Variants in TAFA1 observed in about 807,000 individuals in gnomAD.
The protein encoded by TAFA1 is chemokine-like protein TAFA-1.
Under a neutral mutation model 18.5 loss-of-function variants are expected in TAFA1, and 4 were observed. That is an observed-to-expected ratio of 0.22 (90% CI 0.11 to 0.49). The LOEUF is 0.49. Ranked by LOEUF, TAFA1 falls within the 20% of genes least tolerant of loss-of-function variation. TAFA1 has a pLI of 0.98. For missense variants in TAFA1, 147 were observed against 169.0 expected (o/e 0.87, Z 0.72); for synonymous variants, 56 against 55.2 (o/e 1.01, Z -0.06).
intron 2 of TAFA1, among the ~76,000 whole-genome samples, chr3:68,063,844 G>C (rs2064636860): frequency 6.6e-6 from 1 of 152,052 alleles, no homozygotes; most frequent in African/African-American, 2.4e-5. Context: ...ACCACTAAAG[G>C]AGTCCATGGC....
At chr3:68,318,275 A>T (rs13097366) in intron 2 of TAFA1, among the ~76,000 whole-genome samples, 62,890 of 152,008 alleles carry the variant, frequency 0.41, 15,096 homozygotes, top group Non-Finnish European at 0.54. Context: ...GATGCACCAT[A>T]TGCTTCTCCC....
upstream of TAFA1, among the ~76,000 whole-genome samples, chr3:68,003,324 G>C (rs980726171): frequency 2.0e-5 from 3 of 152,190 alleles, no homozygotes; most frequent in African/African-American, 7.2e-5. Context: ...AGGCAAGAGA[G>C]TATTCTGGGG....
At chr3:68,456,973 T>G (rs2106911313) in intron 3 of TAFA1, among the ~76,000 whole-genome samples, 1 of 152,262 alleles carries the variant, frequency 6.6e-6, no homozygotes, top group Non-Finnish European at 1.5e-5. Context: ...TTATCCAAGG[T>G]TTATGATACT....
intron 2 of TAFA1, among the ~76,000 whole-genome samples, chr3:68,381,386 T>C (rs1356863111): frequency 2.0e-5 from 3 of 151,982 alleles, no homozygotes; most frequent in Non-Finnish European, 4.4e-5. Context: ...ATGATATTGA[T>C]TCTTCCTACC....
intron 2 of TAFA1, among the ~76,000 whole-genome samples, chr3:68,124,733 T>C (rs908684097): frequency 1.3e-5 from 2 of 152,246 alleles, no homozygotes; most frequent in African/African-American, 4.8e-5. Flanking sequence ...GAGTCAGGAT[T>C]TGAACCAAGT....
intron 2 of TAFA1, among the ~76,000 whole-genome samples, chr3:68,015,189 T>C (rs1486494250): frequency 6.6e-6 from 1 of 152,196 alleles, no homozygotes; most frequent in Non-Finnish European, 1.5e-5. Flanking sequence ...TTACTGGGGC[T>C]CTGGTAAACA....
chr3:68,218,639 G>C (rs2066691660), intron 2 of TAFA1, among the ~76,000 whole-genome samples: 1 of 152,142 alleles, frequency 6.6e-6, no homozygotes, highest in Non-Finnish European at 1.5e-5. Context: ...ACAGAAGAAA[G>C]GTAGAGCTTC....
chr3:68,380,737 G>A, intron 2 of TAFA1, among the ~76,000 whole-genome samples: 1 of 152,030 alleles, frequency 6.6e-6, no homozygotes, highest in Non-Finnish European at 1.5e-5. Context: ...CACTCTGACA[G>A]TAGTTTCTTT....
At chr3:68,081,926 G>T (rs1460264345) in intron 2 of TAFA1, among the ~76,000 whole-genome samples, 2 of 152,176 alleles carry the variant, frequency 1.3e-5, no homozygotes, top group African/African-American at 4.8e-5. Flanking sequence ...CTGCCACCTT[G>T]TAGTTTGATC....
intron 4 of TAFA1, among the ~76,000 whole-genome samples, chr3:68,541,236 G>T (rs558926818): frequency 7.9e-5 from 12 of 152,248 alleles, no homozygotes; most frequent in Non-Finnish European, 1.6e-4. Context: ...GGACTCAAAT[G>T]CTCTTACTGA....
At chr3:68,317,269 A>G (rs923343023) in intron 2 of TAFA1, among the ~76,000 whole-genome samples, 2 of 152,192 alleles carry the variant, frequency 1.3e-5, no homozygotes, top group Non-Finnish European at 2.9e-5. Context: ...AAGGTTATCA[A>G]CTGTTGGTAG....
chr3:68,529,436 TAAAAAAAAAAAAAAAAA>T (rs533214097), intron 3 of TAFA1, among the ~76,000 whole-genome samples: 28 of 77,070 alleles, frequency 3.6e-4, no homozygotes, highest in Non-Finnish European at 6.3e-4. Context: ...CACCATTCTC[TAAAAAAAAAAAAAAAAA>T]AAAAAAAAAA....
intron 2 of TAFA1, among the ~76,000 whole-genome samples, chr3:68,049,484 G>A (rs1040307668): frequency 6.6e-6 from 1 of 152,010 alleles, no homozygotes; most frequent in African/African-American, 2.4e-5. Flanking sequence ...CAACACTGAA[G>A]AGGAGAAGAA....
chr3:68,041,591 G>T (rs1053852054), intron 2 of TAFA1, among the ~76,000 whole-genome samples: 1 of 152,116 alleles, frequency 6.6e-6, no homozygotes. Flanking sequence ...TTCCATTCAG[G>T]TATTGAAAAC....
At position 68,149,869 on chromosome 3, in the gene TAFA1, A is replaced by G. The variant is rs1266217495; in HGVS notation, c.118+143125A>G. ...AGGTTGTGTGCAAACTCTTTCTTCT[A>G]TTGACAAGGAAATAGAAGTTAGAGG... is the stretch of plus-strand genomic sequence containing the variant. On this transcript the variant is annotated intron_variant, in intron 2 of 4. Coordinates refer to ENST00000478136, the MANE Select transcript of TAFA1 (RefSeq NM_213609.4). Among the ~76,000 whole-genome samples, 3 of 152,200 alleles carry G rather than the reference A, an allele frequency of 2.0e-5. No homozygotes were observed. In the East Asian group the frequency reaches 5.8e-4, roughly 29 times the overall value.
intron 2 of TAFA1, among the ~76,000 whole-genome samples, chr3:68,239,715 G>A (rs1386032712): frequency 6.6e-6 from 1 of 152,150 alleles, no homozygotes; most frequent in Non-Finnish European, 1.5e-5. Context: ...TAGTCAGGGA[G>A]AAGGAAGCAG....
chr3:68,186,998 C>G (rs1483643313), intron 2 of TAFA1, among the ~76,000 whole-genome samples: 2 of 151,478 alleles, frequency 1.3e-5, no homozygotes, highest in African/African-American at 4.8e-5. Context: ...AGCCAGTTTG[C>G]TTTTCTTAGA....
chr3:68,042,785 G>T (rs773655084), intron 2 of TAFA1, among the ~76,000 whole-genome samples: 47 of 152,184 alleles, frequency 3.1e-4, no homozygotes, highest in Non-Finnish European at 4.6e-4. Flanking sequence ...TTTTATAGTT[G>T]ACAGGCACAG....
rs895941786 is a variant in TAFA1 at position 68,087,877 on chromosome 3, T to C, written c.118+81133T>C. Among the ~76,000 whole-genome samples, 3 of 152,176 alleles carry C rather than the reference T, an allele frequency of 2.0e-5. No individual in the cohort carries two copies. The South Asian group carries it at 6.2e-4, about 31-fold the overall frequency. On this transcript the variant is annotated intron_variant, in intron 2 of 4. Transcript: ENST00000478136. The stretch of plus-strand genomic sequence containing the variant: ...ATATTTAAAAAATTTTTTTCTACTA[T>C]AGGCATTTCTGTATAAACATTATTT...
Sources: gnomAD v4.1 joint callset for allele counts (sites outside exome capture counted in the v4.1 genomes callset) on GRCh38, gnomAD v4.1.1 for gene constraint, MANE v1.5 for transcripts, NCBI Gene and HGNC (gene_info 2026-07-23, HGNC 2026-07-21) for gene names.